Variants in SLC35F3 observed in about 807,000 individuals in gnomAD.
SLC35F3 encodes putative thiamine transporter SLC35F3.
SLC35F3 carries 25 observed loss-of-function variants against 49.9 expected under a neutral mutation model. The observed-to-expected ratio is 0.50, with a 90% CI of 0.37 to 0.70. The LOEUF is 0.70. SLC35F3 is among the 30% of genes least tolerant of loss of function. The pLI, the probability that SLC35F3 is intolerant of heterozygous loss-of-function variation, is 0.00. For synonymous variants in SLC35F3, 275 were observed against 265.4 expected, an observed-to-expected ratio of 1.04 and a Z score of -0.35; for missense variants, 525 against 639.8, an observed-to-expected ratio of 0.82 and a Z score of 1.94.
chr1:234,088,229 G>T (rs1398027488), intron 2 of SLC35F3, among the ~76,000 whole-genome samples: 2 of 152,146 alleles, frequency 1.3e-5, no homozygotes, highest in African/African-American at 4.8e-5. Flanking sequence ...TTGCTCTGTT[G>T]TTTTGAGACA....
intron 2 of SLC35F3, among the ~76,000 whole-genome samples, chr1:233,981,084 C>T (rs1663174630): frequency 6.6e-6 from 1 of 152,202 alleles, no homozygotes; most frequent in Admixed American, 6.5e-5. Context: ...GAAAGAGATA[C>T]TGTGTATGCC....
At chr1:234,033,624 C>G (rs547931830) in intron 2 of SLC35F3, among the ~76,000 whole-genome samples, 1 of 152,260 alleles carries the variant, frequency 6.6e-6, no homozygotes, top group South Asian at 2.1e-4. Context: ...TCTTTCCCCA[C>G]TTGGTGTTTT....
intron 2 of SLC35F3, among the ~76,000 whole-genome samples, chr1:234,000,422 A>T (rs1467864429): frequency 6.6e-6 from 1 of 152,200 alleles, no homozygotes; most frequent in African/African-American, 2.4e-5. Context: ...GCTGACTAAC[A>T]AGGCTCTCTG....
chr1:233,922,479 T>C (rs893203800), intron 2 of SLC35F3, among the ~76,000 whole-genome samples: 1 of 146,260 alleles, frequency 6.8e-6, no homozygotes, highest in Admixed American at 6.9e-5. Context: ...GCCCACTTTT[T>C]GATGGCCTTT....
intron 2 of SLC35F3, among the ~76,000 whole-genome samples, chr1:234,228,715 GGTTCTGCT>G (rs1667323915): frequency 6.6e-6 from 1 of 152,080 alleles, no homozygotes; most frequent in Admixed American, 6.6e-5. Context: ...CTAGGGGCAC[GGTTCTGCT>G]GAGAGGGGTG....
chr1:234,218,492 C>T (rs924812438), intron 2 of SLC35F3, among the ~76,000 whole-genome samples: 11 of 152,160 alleles, frequency 7.2e-5, no homozygotes, highest in African/African-American at 2.4e-4. Flanking sequence ...CTAATGAATG[C>T]CTCCTATATT....
chr1:234,281,090 C>G (rs192699693), intron 3 of SLC35F3, among the ~76,000 whole-genome samples: 1 of 151,726 alleles, frequency 6.6e-6, no homozygotes, highest in East Asian at 1.9e-4. Context: ...GTCCCCCCCC[C>G]ATGCTCAAAT....
At chr1:234,202,354 G>C (rs1318683075) in intron 2 of SLC35F3, among the ~76,000 whole-genome samples, 1 of 152,212 alleles carries the variant, frequency 6.6e-6, no homozygotes, top group African/African-American at 2.4e-5. Flanking sequence ...AAGAAAAAAA[G>C]TTGAGAGACA....
Position 234,323,181 on chromosome 1 carries a change from G to A in SLC35F3, c.1411G>A (p.Ala471Thr). The stretch of plus-strand genomic sequence containing the variant: ...GAAGGAGGAGCCTGCAGAGGGCGCT[G>A]CCGACCTGAGCTCAGGACCTCAGAG... ...RKKEEPAEGA[A>T]DLSSGPQSKN... The change falls in exon 8 of 8, where the codon GCC (alanine) becomes ACC (threonine). Residue 471 changes from alanine (A) to threonine (T), a missense_variant. By Grantham distance (58) the Ala-to-Thr change is moderately conservative (BLOSUM62 0). Around this residue, in one of 4 missense-constraint regions of SLC35F3, gnomAD observed 76 missense variants for 95.6 expected, o/e 0.80. Coordinates refer to ENST00000366618, the MANE Select transcript of SLC35F3 (RefSeq NM_173508.4). This position sits in a 1 kb window ranked among gnomAD's most constrained non-coding sequence, Gnocchi z 4.5. 1.9e-6 allele frequency: 3 copies of A among 1,614,108 alleles called. No homozygotes were observed.
intron 2 of SLC35F3, among the ~76,000 whole-genome samples, chr1:234,122,550 T>C (rs1665591501): frequency 6.6e-6 from 1 of 152,198 alleles, no homozygotes; most frequent in African/African-American, 2.4e-5. Flanking sequence ...TTGCTGCACC[T>C]ATCAACCCAT....
intron 2 of SLC35F3, among the ~76,000 whole-genome samples, chr1:233,951,997 A>AT (rs1396441765): frequency 6.6e-6 from 1 of 151,280 alleles, no homozygotes; most frequent in Non-Finnish European, 1.5e-5. Context: ...CACATCTATC[A>AT]TTTTTTTCTC....
chr1:233,936,849 G>C (rs1317291742), intron 2 of SLC35F3, among the ~76,000 whole-genome samples: 1 of 151,984 alleles, frequency 6.6e-6, no homozygotes, highest in Admixed American at 6.6e-5. Flanking sequence ...CCACCATGCT[G>C]GGCTGATTTT....
At chr1:234,298,338 C>T (rs1451287796) in intron 3 of SLC35F3, among the ~76,000 whole-genome samples, 1 of 152,108 alleles carries the variant, frequency 6.6e-6, no homozygotes, top group Non-Finnish European at 1.5e-5. Context: ...TCCAGATCTT[C>T]CCCCATATTT....
chr1:234,318,808 T>A lies in SLC35F3; in HGVS notation c.1012T>A (p.Ser338Thr). ...GTTTGGAGAAGCCGCCTTATTTTTG[T>A]CCATCTTGGGTGTGTTTAACATCCT... ...AKFGEAALFL[S>T]ILGVFNILFI... The change falls in exon 6 of 8, where the codon TCC (serine) becomes ACC (threonine). Residue 338 changes from serine to threonine, a missense_variant. Ser to Thr is a moderately conservative substitution (Grantham distance 58, BLOSUM62 1). This residue lies in a region of SLC35F3 where 216 missense variants were observed against 298.1 expected (regional missense o/e 0.72). Coordinates refer to ENST00000366618, the MANE Select transcript of SLC35F3 (RefSeq NM_173508.4). The A allele has an allele frequency of 6.2e-7, 1 of 1,614,240 alleles. No individual in the cohort carries two copies. The highest frequency in any genetic ancestry group is 1.1e-5 in the South Asian group (1 of 91,090).
intron 3 of SLC35F3, among the ~76,000 whole-genome samples, chr1:234,283,757 G>A (rs1469764909): frequency 1.3e-5 from 2 of 152,182 alleles, no homozygotes; most frequent in African/African-American, 4.8e-5. Flanking sequence ...TGGTGACAGG[G>A]AATAAAAATT....
intron 2 of SLC35F3, among the ~76,000 whole-genome samples, chr1:234,209,302 T>G (rs1182354933): frequency 1.3e-5 from 2 of 152,098 alleles, no homozygotes; most frequent in African/African-American, 4.8e-5. Context: ...TAAGTGGGGC[T>G]TGGGCAATTT....
At chr1:234,236,860 A>ATTG (rs1010059938) in intron 3 of SLC35F3, among the ~76,000 whole-genome samples, 54 of 149,258 alleles carry the variant, frequency 3.6e-4, no homozygotes, top group African/African-American at 1.3e-3. Flanking sequence ...GTGGATGACA[A>ATTG]TTGTTGTTCT....
At chr1:234,004,515 A>T (rs888984486) in intron 2 of SLC35F3, among the ~76,000 whole-genome samples, 8 of 152,060 alleles carry the variant, frequency 5.3e-5, no homozygotes, top group Non-Finnish European at 1.2e-4. Context: ...TGATAAGGGG[A>T]GTGGGATTGG....
intron 2 of SLC35F3, among the ~76,000 whole-genome samples, chr1:233,989,375 G>A (rs377625413): frequency 1.9e-4 from 29 of 152,240 alleles, no homozygotes; most frequent in African/African-American, 5.8e-4. Context: ...CCTCAGAAAT[G>A]TTGACCTTAA....
Sources: gnomAD v4.1 joint callset for allele counts (sites outside exome capture counted in the v4.1 genomes callset) on GRCh38, gnomAD v4.1.1 for gene constraint, gnomAD v4.1.1 regional missense constraint, Gnocchi (gnomAD v3.1) non-coding constraint, MANE v1.5 for transcripts, NCBI Gene and HGNC (gene_info 2026-07-23, HGNC 2026-07-21) for gene names.